PARD3B: variants seen among roughly 807,000 people sequenced by gnomAD.
PARD3B encodes the protein par-3 family cell polarity regulator beta, also known as partitioning defective 3 homolog B.
In PARD3B, 103 loss-of-function variants were observed where a neutral mutation model predicts 130.2. The observed-to-expected ratio is 0.79, with a 90% CI of 0.67 to 0.93. PARD3B has a LOEUF of 0.93. PARD3B is among the 40% of genes least tolerant of loss of function. The probability of loss-of-function intolerance (pLI) is 0.00; values close to 1 mark genes in which losing one functional copy is unlikely to be tolerated. For missense variants in PARD3B, 1,609 were observed against 1,499.2 expected (o/e 1.07, Z -1.21); for synonymous variants, 583 against 553.2 (o/e 1.05, Z -0.76).
chr2:205,196,724 C>T (rs555762019), intron 15 of PARD3B, among the ~76,000 whole-genome samples: 30 of 152,110 alleles, frequency 2.0e-4, no homozygotes, highest in Non-Finnish European at 1.2e-4. Context: ...TTGACTTCTC[C>T]GTTCTTTCCC....
intron 19 of PARD3B, among the ~76,000 whole-genome samples, chr2:205,438,741 C>T (rs914355194): frequency 1.3e-5 from 2 of 152,184 alleles, no homozygotes; most frequent in African/African-American, 4.8e-5. Context: ...ATCTTCCTTT[C>T]ATCTTAATTC....
intron 3 of PARD3B, among the ~76,000 whole-genome samples, chr2:204,986,200 T>C (rs1693139834): frequency 6.6e-6 from 1 of 151,578 alleles, no homozygotes; most frequent in Admixed American, 6.6e-5. Flanking sequence ...ATTGGATCCC[T>C]TTACTTCACT....
At chr2:204,798,571 C>T (rs1419681536) in intron 2 of PARD3B, among the ~76,000 whole-genome samples, 3 of 152,246 alleles carry the variant, frequency 2.0e-5, no homozygotes, top group East Asian at 1.9e-4. Context: ...GCGAAGGGAG[C>T]GCTTGCCATC....
intron 15 of PARD3B, among the ~76,000 whole-genome samples, chr2:205,228,073 T>A (rs1010192899): frequency 2.0e-5 from 3 of 152,192 alleles, no homozygotes; most frequent in African/African-American, 7.2e-5. Context: ...AAAAAGTTGT[T>A]GTAGTTAGTA....
intron 15 of PARD3B, among the ~76,000 whole-genome samples, chr2:205,195,149 T>C (rs2036614000): frequency 6.6e-6 from 1 of 152,138 alleles, no homozygotes; most frequent in African/African-American, 2.4e-5. Context: ...TTTTCTCTTC[T>C]AAACTGAAAT....
At chr2:204,909,047 A>T (rs1208786964) in intron 2 of PARD3B, among the ~76,000 whole-genome samples, 2 of 152,158 alleles carry the variant, frequency 1.3e-5, no homozygotes, top group Non-Finnish European at 2.9e-5. Context: ...CTCAGCCAAA[A>T]GGGAAGTTAT....
At chr2:205,228,951 T>C (rs1001965717) in intron 15 of PARD3B, among the ~76,000 whole-genome samples, 6 of 152,252 alleles carry the variant, frequency 3.9e-5, no homozygotes, top group Admixed American at 1.3e-4. Context: ...TGTTTGATTC[T>C]TTTTAATTAT....
At chr2:204,566,974 G>T (rs1031937756) in intron 1 of PARD3B, among the ~76,000 whole-genome samples, 3 of 151,876 alleles carry the variant, frequency 2.0e-5, no homozygotes, top group South Asian at 2.1e-4. Context: ...CGCCTCCCAG[G>T]TTCAAGTGAC....
intron 18 of PARD3B, among the ~76,000 whole-genome samples, chr2:205,310,230 G>T (rs2042331514): frequency 6.6e-6 from 1 of 151,448 alleles, no homozygotes; most frequent in African/African-American, 2.4e-5. Context: ...GACTACAGGG[G>T]CCCACCACCA....
At chr2:204,997,984 A>G (rs1387845366) in intron 3 of PARD3B, among the ~76,000 whole-genome samples, 7 of 149,774 alleles carry the variant, frequency 4.7e-5, no homozygotes, top group Non-Finnish European at 1.0e-4. Context: ...ATGTGCATAT[A>G]TACACATATA....
chr2:205,576,920 C>T (rs1424403720), intron 22 of PARD3B, among the ~76,000 whole-genome samples: 1 of 152,124 alleles, frequency 6.6e-6, no homozygotes, highest in African/African-American at 2.4e-5. Context: ...GTCTTCCATC[C>T]ATAAACATGG....
intron 20 of PARD3B, among the ~76,000 whole-genome samples, chr2:205,442,012 T>C (rs2106164485): frequency 6.6e-6 from 1 of 152,328 alleles, no homozygotes; most frequent in Middle Eastern, 3.4e-3. Flanking sequence ...AATTTTATTG[T>C]ATAAATAATA....
At chr2:204,712,397 G>T (rs1320779789) in intron 2 of PARD3B, among the ~76,000 whole-genome samples, 1 of 152,028 alleles carries the variant, frequency 6.6e-6, no homozygotes, top group Non-Finnish European at 1.5e-5. Flanking sequence ...TGGATCACAA[G>T]ATTAGGAGTT....
chr2:204,640,263 C>T (rs781507118), intron 1 of PARD3B, among the ~76,000 whole-genome samples: 15 of 152,054 alleles, frequency 9.9e-5, no homozygotes, highest in Non-Finnish European at 2.2e-4. Context: ...CTCAAAAAAA[C>T]AAAACAGATA....
At chr2:205,374,282 G>C (rs539300384) in intron 18 of PARD3B, among the ~76,000 whole-genome samples, 25 of 152,054 alleles carry the variant, frequency 1.6e-4, no homozygotes, top group African/African-American at 6.0e-4. Flanking sequence ...GGTAGCCCAG[G>C]CTGGAATACA....
intron 3 of PARD3B, among the ~76,000 whole-genome samples, chr2:205,044,816 A>G (rs1698654326): frequency 6.6e-6 from 1 of 152,068 alleles, no homozygotes; most frequent in Non-Finnish European, 1.5e-5. Flanking sequence ...ATTAGATCCC[A>G]TTTCTCAGTT....
intron 12 of PARD3B, among the ~76,000 whole-genome samples, chr2:205,175,504 A>T (rs562963087): frequency 6.6e-6 from 1 of 152,328 alleles, no homozygotes; most frequent in Admixed American, 6.5e-5. Flanking sequence ...AATTTTTATA[A>T]CCAAAGAGGA....
intron 2 of PARD3B, among the ~76,000 whole-genome samples, chr2:204,850,629 G>A (rs1309113000): frequency 1.3e-5 from 2 of 152,008 alleles, no homozygotes; most frequent in Non-Finnish European, 2.9e-5. Context: ...ATTCATATTC[G>A]CTTCGTGTTA....
chr2:204,764,715 C>CGTTGTGTGTGTGTGT (rs1553519194), intron 2 of PARD3B, among the ~76,000 whole-genome samples: 3 of 145,644 alleles, frequency 2.1e-5, no homozygotes, highest in Non-Finnish European at 4.5e-5. Flanking sequence ...GGCATGCATG[C>CGTTGTGTGTGTGTGT]GTGTGTGTGT....
Sources: gnomAD v4.1 joint callset for allele counts (sites outside exome capture counted in the v4.1 genomes callset) on GRCh38, gnomAD v4.1.1 for gene constraint, MANE v1.5 for transcripts, NCBI Gene and HGNC (gene_info 2026-07-23, HGNC 2026-07-21) for gene names.